BCAR1: variants seen among roughly 807,000 people sequenced by gnomAD.
BCAR1 encodes the protein BCAR1 scaffold protein, Cas family member.
Under a neutral mutation model 67.6 loss-of-function variants are expected in BCAR1, and 30 were observed. That is an observed-to-expected ratio of 0.44 (90% CI 0.33 to 0.60). The LOEUF (loss-of-function observed/expected upper bound fraction) is 0.60. Among genes scored for constraint, BCAR1 ranks in the 20% least tolerant of loss-of-function variants. The probability of loss-of-function intolerance (pLI) is 0.02; values close to 1 mark genes in which losing one functional copy is unlikely to be tolerated. For synonymous variants in BCAR1, 626 were observed against 556.7 expected (o/e 1.12, Z -1.75); for missense variants, 1,313 against 1,222.3 (o/e 1.07, Z -1.11).
chr16:75,251,404 T>C, intron 1 of BCAR1, 67 bp downstream of exon 1: 1 of 1,475,014 alleles, frequency 6.8e-7, no homozygotes, highest in Non-Finnish European at 9.0e-7. Flanking sequence ...TGCCGCTCGC[T>C]TAACCCCTTC....
At position 75,235,550 on chromosome 16, in the gene BCAR1, C is replaced by A. The variant is rs61739233; in HGVS notation, c.1349G>T (p.Gly450Val). The change falls in exon 5 of 7, where the codon GGC (glycine) becomes GTC (valine). Residue 450 changes from glycine to valine, a missense_variant. Gly to Val is a moderately radical substitution (Grantham distance 109). Transcript: ENST00000162330. ...SASSLEVAGPGREPLELEVAV... is the reference protein window; with the variant it reads ...SASSLEVAGPVREPLELEVAV... ...AACTTCCAGCTCCAGGGGTTCCCGG[C>A]CCGGCCCTGCCACCTCCAAGGAGGA... is the stretch of plus-strand genomic sequence containing the variant. The A allele has an allele frequency of 2.0e-3, 3,170 of 1,593,354 alleles. 46 individuals carry two copies. In the African/African-American group the frequency reaches 0.037, roughly 19 times the overall value.
chr16:75,235,056 G>A lies in BCAR1; in HGVS notation c.1843C>T (p.Pro615Ser). The A allele has an allele frequency of 6.2e-7, 1 of 1,613,162 alleles. No homozygotes were observed. The highest frequency in any genetic ancestry group is 1.3e-5 in the African/African-American group (1 of 75,056). Residue 615 changes from proline to serine, a missense_variant, in exon 5 of 7, where the codon CCT becomes TCT. Pro to Ser is a moderately conservative substitution (Grantham distance 74). Coordinates refer to ENST00000162330, the MANE Select transcript of BCAR1 (RefSeq NM_014567.5). ...FRRTKATAPG[P>S]EGGGTLHPNP... ...GGGTGCAGGGTGCCACCCCCCTCAG[G>A]CCCCGGGGCAGTGGCCTTGGTCCGT...
Position 75,237,288 on chromosome 16 carries a change from C to T in BCAR1, c.690G>A (p.Glu230=). ...GTCGCGGGATGTCGTACTCGTCCTG[C>T]TCCGGCTGGGCGGCCTCGTATACAT... ...QGYVYEAAQP[E]QDEYDIPRHL... is the part of the protein sequence containing the mutation. Residue 230 remains glutamate (E), a synonymous_variant, in exon 3 of 7, where the codon GAG becomes GAA. Coordinates refer to ENST00000162330, the MANE Select transcript of BCAR1 (RefSeq NM_014567.5). The T allele has an allele frequency of 2.0e-6, 3 of 1,521,150 alleles. No homozygotes were observed. The highest frequency in any genetic ancestry group is 2.8e-5 in the African/African-American group (2 of 71,456). 94.2% of individuals were successfully genotyped at this position (1,521,150 alleles called of 1,614,324 possible).
At chr16:75,244,362 T>C (rs1567610148) in intron 1 of BCAR1, among the ~76,000 whole-genome samples, 1 of 152,202 alleles carries the variant, frequency 6.6e-6, no homozygotes, top group Non-Finnish European at 1.5e-5. Flanking sequence ...CACGCCCCCT[T>C]GGGCAGAAAC....
chr16:75,242,941 G>C lies in BCAR1; in HGVS notation c.162C>G (p.Ile54Met). Residue 54 changes from isoleucine (I) to methionine (M), a missense_variant, in exon 2 of 7, where the codon ATC becomes ATG. Ile to Met is a conservative substitution (Grantham distance 10). Around this residue, in one of 2 missense-constraint regions of BCAR1, gnomAD observed 41 missense variants for 84.8 expected, o/e 0.48. Transcript: ENST00000162330. ...WLCSLHGRQG[I>M]VPGNRLKILV... Reference sequence around the variant, plus strand: ...AGATCTTGAGGCGGTTCCCAGGCACGATGCCCTGGCGCCCATGCAGCGAGC... The same window carrying C: ...AGATCTTGAGGCGGTTCCCAGGCACCATGCCCTGGCGCCCATGCAGCGAGC... 6.2e-7 allele frequency: 1 copy of C among 1,613,002 alleles called. No homozygotes were observed. The highest frequency in any genetic ancestry group is 8.5e-7 in the Non-Finnish European group (1 of 1,179,840).
chr16:75,250,240 AG>A (rs1324712502), intron 1 of BCAR1: 1 of 152,462 alleles, frequency 6.6e-6, no homozygotes, highest in African/African-American at 2.4e-5. Context: ...CAGTGCCAGG[AG>A]GAAGTGTCAG....
rs1381297911 is a variant in BCAR1, at chr16:75,229,255, G to C, written c.*256C>G. The C allele has an allele frequency of 9.8e-6, 5 of 509,390 alleles. No individual in the cohort carries two copies. The highest frequency in any genetic ancestry group is 7.7e-5 in the African/African-American group (4 of 51,748). The allele number at this position is 509,390 out of a possible 1,614,324, so 31.6% of individuals were successfully genotyped here. The stretch of plus-strand genomic sequence containing the variant: ...GGACCCTCACACTCCAGCCCCGTCT[G>C]GTGACCCAACCCGGGCCCGTGGTGC... On this transcript the variant is annotated 3_prime_UTR_variant, in exon 7 of 7. Coordinates refer to ENST00000162330, the MANE Select transcript of BCAR1 (RefSeq NM_014567.5).
At chr16:75,266,556 C>A (rs2083790049) in intron 1 of BCAR1, among the ~76,000 whole-genome samples, 1 of 152,234 alleles carries the variant, frequency 6.6e-6, no homozygotes, top group African/African-American at 2.4e-5. Context: ...AGGCTAAACA[C>A]CCCCAATTTC....
At chr16:75,242,262 G>C (rs757241491) in intron 2 of BCAR1, among the ~76,000 whole-genome samples, 6 of 152,206 alleles carry the variant, frequency 3.9e-5, no homozygotes, top group Non-Finnish European at 8.8e-5. Context: ...GAGGCCAGCG[G>C]AGCATCTCCC....
chr16:75,236,822 A>G, intron 4 of BCAR1, 60 bp downstream of exon 4: 3 of 1,577,488 alleles, frequency 1.9e-6, no homozygotes, highest in Non-Finnish European at 2.6e-6. Context: ...ACCCCTGTGC[A>G]CACACCCAGA....
chr16:75,233,077 T>G (rs2076956969), intron 6 of BCAR1, among the ~76,000 whole-genome samples: 1 of 152,222 alleles, frequency 6.6e-6, no homozygotes, highest in African/African-American at 2.4e-5. Context: ...CACAGCAGTA[T>G]ATTTATAATA....
intron 2 of BCAR1, chr16:75,239,092 C>T (rs865884714): frequency 1.0e-6 from 1 of 985,302 alleles, no homozygotes; most frequent in African/African-American, 1.7e-5. Context: ...AGTAGGCAGC[C>T]ACAGTGACCA....
chr16:75,250,698 T>G, intron 1 of BCAR1: 1 of 985,448 alleles, frequency 1.0e-6, no homozygotes, highest in Non-Finnish European at 1.2e-6. Context: ...TCTCGGACCC[T>G]CGAGAGGGAG....
chr16:75,256,924 G>A (rs551090083), intron 1 of BCAR1, among the ~76,000 whole-genome samples: 143 of 152,320 alleles, frequency 9.4e-4, no homozygotes, highest in African/African-American at 3.2e-3. Flanking sequence ...AGTGAGGAGG[G>A]GCCATGTGCA....
chr16:75,238,099 A>G, intron 2 of BCAR1: 1 of 1,288,916 alleles, frequency 7.8e-7, no homozygotes, highest in South Asian at 1.2e-5. Flanking sequence ...ACCATGACCC[A>G]GAGCCCAGGG....
At chr16:75,258,288 G>A (rs1168771604) in intron 1 of BCAR1, among the ~76,000 whole-genome samples, 1 of 152,180 alleles carries the variant, frequency 6.6e-6, no homozygotes, top group African/African-American at 2.4e-5. Context: ...TGAGAGACTG[G>A]GGCAAAATCT....
rs372024281 is a variant in BCAR1, at chr16:75,235,938, G to C, written c.961C>G (p.Leu321Val). Residue 321 changes from leucine (L) to valine (V), a missense_variant, in exon 5 of 7, where the codon CTG becomes GTG. Leu to Val is a conservative substitution (Grantham distance 32). This residue lies in a region of BCAR1 where 1,272 missense variants were observed against 1,137.5 expected (regional missense o/e 1.12). Transcript: ENST00000162330. ...ACATCGTAGGTCTCCTCACGCAGCA[G>C]TGGGCCATCGGGCACATCCTTGCTC... ...SVSKDVPDGPLLREETYDVPP... is the reference protein window; with the variant it reads ...SVSKDVPDGPVLREETYDVPP... 2.7e-5 allele frequency: 43 copies of C among 1,573,792 alleles called. No individual in the cohort carries two copies. Among genetic ancestry groups the C allele is most frequent in the Non-Finnish European group, 3.7e-5 (43 of 1,159,200 alleles).
chr16:75,237,243 T>C lies in BCAR1; in HGVS notation c.735A>G (p.Pro245=). ...CCGGGGGCACATCATAGATGTCCTG[T>C]GGCCCCGGGGCCAGCAGGTGTCGCG... ...DIPRHLLAPG[P]QDIYDVPPVR... Residue 245 remains proline, a synonymous_variant, in exon 3 of 7, where the codon CCA becomes CCG. Coordinates refer to ENST00000162330, the MANE Select transcript of BCAR1 (RefSeq NM_014567.5). The C allele has an allele frequency of 6.5e-7, 1 of 1,543,450 alleles. No homozygotes were observed. Among genetic ancestry groups the C allele is most frequent in the Non-Finnish European group, 8.7e-7 (1 of 1,148,962 alleles).
chr16:75,235,843 A>T lies in BCAR1; in HGVS notation c.1056T>A (p.Pro352=). ...ARTPLVLAAP[P]PDSPPAEDVY... is the part of the protein sequence containing the mutation. ...CGTCCTCGGCCGGCGGGGAGTCTGG[A>T]GGGGGCGCAGCCAGTACCAGTGGGG... Residue 352 remains proline (P), a synonymous_variant, in exon 5 of 7, where the codon CCT becomes CCA. Coordinates refer to ENST00000162330, the MANE Select transcript of BCAR1 (RefSeq NM_014567.5). 6.4e-7 allele frequency: 1 copy of T among 1,568,918 alleles called. No homozygotes were observed. Among genetic ancestry groups the T allele is most frequent in the Non-Finnish European group, 8.6e-7 (1 of 1,158,758 alleles).
Sources: gnomAD v4.1 joint callset for allele counts (sites outside exome capture counted in the v4.1 genomes callset) on GRCh38, gnomAD v4.1.1 for gene constraint, gnomAD v4.1.1 regional missense constraint, MANE v1.5 for transcripts, NCBI Gene and HGNC (gene_info 2026-07-23, HGNC 2026-07-21) for gene names.